ZFHX3: variants seen among roughly 807,000 people sequenced by gnomAD.
ZFHX3 encodes zinc finger homeobox protein 3.
ZFHX3 carries 42 observed loss-of-function variants against 279.1 expected under a neutral mutation model. The observed-to-expected ratio is 0.15, with a 90% CI of 0.12 to 0.19. The LOEUF (loss-of-function observed/expected upper bound fraction) is 0.19. Ranked by LOEUF, ZFHX3 falls within the 10% of genes least tolerant of loss-of-function variation. ZFHX3 has a pLI of 1.00. For synonymous variants in ZFHX3, 2,293 were observed against 1,957.8 expected (o/e 1.17, Z -4.52); for missense variants, 4,981 against 4,754.0 (o/e 1.05, Z -1.40).
intron 7 of ZFHX3, among the ~76,000 whole-genome samples, chr16:72,802,414 G>A (rs979143178): frequency 5.9e-5 from 9 of 152,108 alleles, no homozygotes; most frequent in African/African-American, 9.7e-5. Flanking sequence ...AACTCTCCCC[G>A]AAATATAATC....
intron 1 of ZFHX3, among the ~76,000 whole-genome samples, chr16:73,750,488 T>C (rs551883774): frequency 2.6e-5 from 4 of 152,266 alleles, no homozygotes; most frequent in African/African-American, 9.6e-5. Flanking sequence ...TGTGTGGATC[T>C]TAGTAACAGA....
intron 1 of ZFHX3, among the ~76,000 whole-genome samples, chr16:73,845,184 G>A (rs984703335): frequency 5.3e-5 from 8 of 152,202 alleles, no homozygotes; most frequent in African/African-American, 1.4e-4. Flanking sequence ...CGCGACCATA[G>A]GAAGTGCGTT....
intron 1 of ZFHX3, among the ~76,000 whole-genome samples, chr16:73,708,301 TTAAC>T (rs755822974): frequency 3.3e-5 from 5 of 152,228 alleles, no homozygotes; most frequent in African/African-American, 9.6e-5. Flanking sequence ...AATATTCACT[TTAAC>T]TAAATCACTC....
intron 2 of ZFHX3, among the ~76,000 whole-genome samples, chr16:73,623,910 C>T (rs932832118): frequency 6.6e-6 from 1 of 152,160 alleles, no homozygotes. Context: ...AATCATGTTG[C>T]AAATAGTATT....
At chr16:73,654,902 C>G (rs1313757284) in intron 2 of ZFHX3, among the ~76,000 whole-genome samples, 1 of 146,664 alleles carries the variant, frequency 6.8e-6, no homozygotes, top group Non-Finnish European at 1.5e-5. Context: ...ACTGTGTCGC[C>G]CAGGTTGGAG....
chr16:73,565,701 G>A (rs1329749153), intron 2 of ZFHX3, among the ~76,000 whole-genome samples: 1 of 152,146 alleles, frequency 6.6e-6, no homozygotes, highest in Non-Finnish European at 1.5e-5. Context: ...CTAAGTCTAG[G>A]TTTAGTGCCT....
chr16:72,849,012 T>C (rs530722102), intron 4 of ZFHX3, among the ~76,000 whole-genome samples: 17 of 152,098 alleles, frequency 1.1e-4, no homozygotes, highest in Non-Finnish European at 2.5e-4. Context: ...CAGCTTCAAA[T>C]CATCTGTTTC....
intron 5 of ZFHX3, among the ~76,000 whole-genome samples, chr16:73,253,455 C>CTT (rs377414876): frequency 0.025 from 3,213 of 129,748 alleles, 113 homozygotes; most frequent in African/African-American, 0.078. Context: ...CTTTCTTTCT[C>CTT]TTTTTTTTTT....
chr16:73,009,042 C>T (rs932799435), intron 1 of ZFHX3, among the ~76,000 whole-genome samples: 8 of 152,142 alleles, frequency 5.3e-5, no homozygotes, highest in African/African-American at 1.9e-4. Context: ...GTAGCCAGTT[C>T]CCTGTATCTC....
intron 3 of ZFHX3, among the ~76,000 whole-genome samples, chr16:73,424,174 C>T (rs2143499114): frequency 6.6e-6 from 1 of 152,256 alleles, no homozygotes; most frequent in South Asian, 2.1e-4. Context: ...TACTTTCACC[C>T]CGAAAGCATA....
chr16:73,542,324 A>G (rs1014729668), intron 2 of ZFHX3, among the ~76,000 whole-genome samples: 1 of 152,138 alleles, frequency 6.6e-6, no homozygotes, highest in Non-Finnish European at 1.5e-5. Flanking sequence ...GAATGACAGT[A>G]TGGTGATGTC....
intron 3 of ZFHX3, chr16:73,386,812 C>T: frequency 6.6e-6 from 1 of 151,978 alleles, no homozygotes; most frequent in South Asian, 2.1e-4. Context: ...GCTGTCATCA[C>T]TGAATTCTGA....
At chr16:73,272,984 T>G (rs2014191716) in intron 4 of ZFHX3, among the ~76,000 whole-genome samples, 2 of 152,074 alleles carry the variant, frequency 1.3e-5, no homozygotes, top group Admixed American at 6.6e-5. Context: ...TGGGCTCAAG[T>G]GATCCTCCAG....
intron 4 of ZFHX3, among the ~76,000 whole-genome samples, chr16:73,306,040 CA>C (rs1310934019): frequency 3.9e-5 from 6 of 152,330 alleles, no homozygotes; most frequent in African/African-American, 1.4e-4. Context: ...GCATTTCTTA[CA>C]AAATCTCAGG....
chr16:73,593,165 T>A (rs563329604), intron 2 of ZFHX3, among the ~76,000 whole-genome samples: 4 of 152,142 alleles, frequency 2.6e-5, no homozygotes, highest in African/African-American at 9.6e-5. Flanking sequence ...AAGGCTTCAA[T>A]GGCTTCACCA....
rs114030518 is a variant in ZFHX3, at chr16:73,648,141, A to G, written c.-1547+32039T>C. ...CTATGATACACTTATTTCCCCTGCTAGGAATCTATACTACAGAAACACTTG... is the reference window on the plus strand; with the variant it reads ...CTATGATACACTTATTTCCCCTGCTGGGAATCTATACTACAGAAACACTTG... On this transcript the variant is annotated intron_variant, in intron 2 of 17. Coordinates refer to the ZFHX3 transcript ENST00000641206. Among the ~76,000 whole-genome samples the G allele has an allele frequency of 8.9e-3, 1,357 of 152,324 alleles. 18 individuals carry two copies. The highest frequency in any genetic ancestry group is 0.031 in the African/African-American group (1,305 of 41,560).
At chr16:73,028,322 A>G (rs528908816) in intron 1 of ZFHX3, among the ~76,000 whole-genome samples, 1 of 152,318 alleles carries the variant, frequency 6.6e-6, no homozygotes, top group East Asian at 1.9e-4. Flanking sequence ...GGTGGAAAAC[A>G]CCATCCATCA....
chr16:73,855,868 A>G (rs1961714283), intron 1 of ZFHX3, among the ~76,000 whole-genome samples: 1 of 152,200 alleles, frequency 6.6e-6, no homozygotes, highest in South Asian at 2.1e-4. Context: ...CAGATAACAC[A>G]GTGCTGCACT....
At chr16:72,980,848 G>A (rs1024346365) in intron 1 of ZFHX3, among the ~76,000 whole-genome samples, 2 of 152,038 alleles carry the variant, frequency 1.3e-5, no homozygotes, top group East Asian at 1.9e-4. Context: ...TTTCAGCAAC[G>A]GACAAAAAAG....
Sources: allele counts gnomAD v4.1 joint callset (sites outside exome capture counted in the v4.1 genomes callset), GRCh38; gene constraint gnomAD v4.1.1; transcripts MANE v1.5; gene names NCBI Gene and HGNC (gene_info 2026-07-23, HGNC 2026-07-21).